The following CCDC146 variants were observed in gnomAD, a reference collection of about 807,000 sequenced individuals.
The protein encoded by CCDC146 is coiled-coil domain-containing protein 146.
Under a neutral mutation model 119.3 loss-of-function variants are expected in CCDC146, and 92 were observed. The observed-to-expected ratio is 0.77, with a 90% confidence interval of 0.65 to 0.92. The LOEUF is 0.92. Among genes scored for constraint, CCDC146 ranks in the 40% least tolerant of loss-of-function variants. CCDC146 has a pLI of 0.00. For missense variants in CCDC146, 1,000 were observed against 1,103.0 expected (o/e 0.91, Z 1.32); for synonymous variants, 372 against 371.8 (o/e 1.00, Z -0.01).
intron 2 of CCDC146, among the ~76,000 whole-genome samples, chr7:77,214,294 T>G (rs1792258054): frequency 6.6e-6 from 1 of 152,182 alleles, no homozygotes; most frequent in South Asian, 2.1e-4. Flanking sequence ...CACCTTTTAA[T>G]GAGGTTATTT....
chr7:77,246,313 C>T (rs894986433), intron 4 of CCDC146: 2 of 152,238 alleles, frequency 1.3e-5, no homozygotes, highest in Non-Finnish European at 2.9e-5. Flanking sequence ...TTCACCCATC[C>T]ATGCTGTTTC....
At chr7:77,256,281 G>A in intron 5 of CCDC146, 52 bp from the exon 6 acceptor site, 1 of 1,355,602 alleles carries the variant, frequency 7.4e-7, no homozygotes, top group South Asian at 1.5e-5. Flanking sequence ...TTTTTAGGTA[G>A]ATAAATGTTT....
chr7:77,206,839 TA>T (rs1297766721), intron 2 of CCDC146, among the ~76,000 whole-genome samples: 1 of 151,966 alleles, frequency 6.6e-6, no homozygotes, highest in East Asian at 1.9e-4. Flanking sequence ...AAATTTGTTT[TA>T]ATATTTCAAT....
chr7:77,163,860 C>CTTTT (rs530810388), intron 1 of CCDC146, among the ~76,000 whole-genome samples: 2 of 110,040 alleles, frequency 1.8e-5, no homozygotes, highest in African/African-American at 3.6e-5. Context: ...TCTTTTTTTT[C>CTTTT]TTTTTTTTTT....
At chr7:77,273,211 C>A (rs1793559414) in intron 9 of CCDC146, among the ~76,000 whole-genome samples, 1 of 152,140 alleles carries the variant, frequency 6.6e-6, no homozygotes, top group Non-Finnish European at 1.5e-5. Context: ...AGAAAATATT[C>A]CCCACCTCAT....
intron 9 of CCDC146, among the ~76,000 whole-genome samples, chr7:77,264,013 T>C (rs1033713824): frequency 6.6e-6 from 1 of 152,188 alleles, no homozygotes; most frequent in East Asian, 1.9e-4. Flanking sequence ...TGTTCTACTA[T>C]ATATGTGTTT....
intron 2 of CCDC146, among the ~76,000 whole-genome samples, chr7:77,223,943 G>A (rs1792454338): frequency 6.6e-6 from 1 of 152,158 alleles, no homozygotes; most frequent in Non-Finnish European, 1.5e-5. Context: ...TCTACCTGGA[G>A]GTGTCACTTG....
chr7:77,178,246 T>TTC (rs1791530185), intron 2 of CCDC146, among the ~76,000 whole-genome samples: 1 of 152,176 alleles, frequency 6.6e-6, no homozygotes, highest in Non-Finnish European at 1.5e-5. Flanking sequence ...ATCTGGGGTA[T>TTC]TGTCAGAACA....
At chr7:77,271,820 T>C (rs1450184113) in intron 9 of CCDC146, among the ~76,000 whole-genome samples, 3 of 152,088 alleles carry the variant, frequency 2.0e-5, no homozygotes, top group Non-Finnish European at 4.4e-5. Flanking sequence ...TTTCAAAATA[T>C]TGGAAATAAC....
chr7:77,271,087 C>T (rs1188509576), intron 9 of CCDC146, among the ~76,000 whole-genome samples: 1 of 150,216 alleles, frequency 6.7e-6, no homozygotes, highest in Admixed American at 6.6e-5. Flanking sequence ...CTGTTGCTGT[C>T]GTGGTTAATA....
chr7:77,157,417 GT>G (rs978485418), intron 1 of CCDC146, among the ~76,000 whole-genome samples: 34 of 149,446 alleles, frequency 2.3e-4, no homozygotes, highest in African/African-American at 7.4e-4. Context: ...GGAGCATGCA[GT>G]ATTTGGTTTT....
At chr7:77,165,257 G>C (rs892455613) in intron 1 of CCDC146, among the ~76,000 whole-genome samples, 2 of 151,962 alleles carry the variant, frequency 1.3e-5, no homozygotes, top group Non-Finnish European at 1.5e-5. Flanking sequence ...TATGACCTAC[G>C]CAGTCACACA....
At position 77,286,838 on chromosome 7, in the gene CCDC146, A is replaced by G; in HGVS notation, c.2189A>G (p.Gln730Arg). The change falls in exon 16 of 19, where the codon CAG becomes CGG. Residue 730 changes from glutamine to arginine, a missense_variant. Physicochemically the swap from Gln to Arg is conservative, Grantham distance 43. Coordinates refer to ENST00000285871, the MANE Select transcript of CCDC146 (RefSeq NM_020879.3). ...CTDRIKDLEK[Q>R]FVKPDGENRA... ...GACAGAATTAAAGACCTGGAGAAAC[A>G]GTTCGTAAAGCCTGATGGTGAGAAT... 6.2e-7 allele frequency: 1 copy of G among 1,613,936 alleles called. No homozygotes were observed. The highest frequency in any genetic ancestry group is 8.5e-7 in the Non-Finnish European group (1 of 1,179,776).
chr7:77,163,173 C>T (rs1047954821), intron 1 of CCDC146, among the ~76,000 whole-genome samples: 3 of 152,138 alleles, frequency 2.0e-5, no homozygotes, highest in African/African-American at 2.4e-5. Context: ...CAAGGCCAGG[C>T]GTGGTGGCTC....
At chr7:77,284,284 C>T (rs1793811790) in intron 15 of CCDC146, among the ~76,000 whole-genome samples, 1 of 152,126 alleles carries the variant, frequency 6.6e-6, no homozygotes, top group Non-Finnish European at 1.5e-5. Flanking sequence ...GCACTGGAGA[C>T]GCTTCCCTGA....
At chr7:77,176,793 T>C (rs1246579397) in intron 2 of CCDC146, among the ~76,000 whole-genome samples, 1 of 152,150 alleles carries the variant, frequency 6.6e-6, no homozygotes, top group African/African-American at 2.4e-5. Flanking sequence ...TTTCTATATA[T>C]TTTGTTCTCT....
In CCDC146 at chr7:77,256,489, G is replaced by C; in HGVS notation, c.664G>C (p.Gly222Arg). ...GCAGAAGGAACTAGAAGAATTGTTG[G>C]GACATCAGGTCGTCCTAAAGGTGTG... ...KEQKELEELL[G>R]HQVVLKDEVA... The change falls in exon 6 of 19, where the codon GGA becomes CGA. Residue 222 changes from glycine (G) to arginine (R), a missense_variant. Gly to Arg is a moderately radical substitution (Grantham distance 125, BLOSUM62 -2). This residue lies in a region of CCDC146 where 985 missense variants were observed against 1,045.3 expected (regional missense o/e 0.94). Coordinates refer to ENST00000285871, the MANE Select transcript of CCDC146 (RefSeq NM_020879.3). 6.2e-7 allele frequency: 1 copy of C among 1,605,918 alleles called. No homozygotes were observed. Among genetic ancestry groups the C allele is most frequent in the Non-Finnish European group, 8.5e-7 (1 of 1,177,924 alleles).
At chr7:77,189,778 C>T (rs1791731776) in intron 2 of CCDC146, among the ~76,000 whole-genome samples, 1 of 152,160 alleles carries the variant, frequency 6.6e-6, no homozygotes, top group East Asian at 1.9e-4. Context: ...ACCTAATGTT[C>T]CCTTTGTTTG....
intron 2 of CCDC146, among the ~76,000 whole-genome samples, chr7:77,185,292 T>A (rs1173623427): frequency 6.6e-6 from 1 of 152,088 alleles, no homozygotes; most frequent in East Asian, 1.9e-4. Flanking sequence ...TTAGAGTCAC[T>A]GAAAAAAATA....
Sources: allele counts gnomAD v4.1 joint callset (sites outside exome capture counted in the v4.1 genomes callset), GRCh38; gene constraint gnomAD v4.1.1; regional missense constraint gnomAD v4.1.1; transcripts MANE v1.5; gene names NCBI Gene and HGNC (gene_info 2026-07-23, HGNC 2026-07-21).